The following BAALC variants were observed in gnomAD, a reference collection of about 807,000 sequenced individuals.
The protein encoded by BAALC is BAALC binder of MAP3K1 and KLF4.
BAALC carries 9 observed loss-of-function variants against 15.5 expected under a neutral mutation model. The ratio of observed to expected loss-of-function variants is 0.58; its 90% CI spans 0.35 to 1.02. The LOEUF is 1.02. BAALC is among the 50% of genes least tolerant of loss of function. The probability of loss-of-function intolerance (pLI) is 0.02; values close to 1 mark genes in which losing one functional copy is unlikely to be tolerated. For synonymous variants in BAALC, 80 were observed against 74.6 expected, an observed-to-expected ratio of 1.07 and a Z score of -0.37; for missense variants, 201 against 192.4, an observed-to-expected ratio of 1.04 and a Z score of -0.27.
intron 1 of BAALC, among the ~76,000 whole-genome samples, chr8:103,205,534 T>C (rs1489102604): frequency 2.0e-5 from 3 of 151,854 alleles, no homozygotes; most frequent in African/African-American, 4.8e-5. Flanking sequence ...GTCAGATAGA[T>C]AGATGATAGA....
chr8:103,149,599 T>A (rs1388972762), intron 1 of BAALC, among the ~76,000 whole-genome samples: 2 of 152,082 alleles, frequency 1.3e-5, no homozygotes, highest in South Asian at 2.1e-4. Context: ...AAGTTCCGGA[T>A]GGGGGGATGG....
At chr8:103,156,615 G>T (rs1326435073) in intron 1 of BAALC, among the ~76,000 whole-genome samples, 1 of 152,136 alleles carries the variant, frequency 6.6e-6, no homozygotes, top group Non-Finnish European at 1.5e-5. Context: ...CTTCTGAGAC[G>T]GTGGAATGTT....
intron 1 of BAALC, among the ~76,000 whole-genome samples, chr8:103,167,558 T>C (rs72671390): frequency 0.086 from 13,136 of 152,332 alleles, 760 homozygotes; most frequent in Middle Eastern, 0.13. Context: ...TTAATTATTA[T>C]TGTTGCAAGT....
At chr8:103,168,323 C>A (rs925293182) in intron 1 of BAALC, among the ~76,000 whole-genome samples, 1 of 152,144 alleles carries the variant, frequency 6.6e-6, no homozygotes, top group African/African-American at 2.4e-5. Context: ...ATTGATTACC[C>A]TCATGAAAGG....
At chr8:103,212,791 T>C (rs895319164) in intron 1 of BAALC, 128 bp from the exon 2 acceptor site, 1 of 919,820 alleles carries the variant, frequency 1.1e-6, no homozygotes, top group Non-Finnish European at 1.6e-6. Flanking sequence ...AGGGTAGCTC[T>C]GCATGGTGGG....
intron 1 of BAALC, among the ~76,000 whole-genome samples, chr8:103,185,083 C>G (rs1278725442): frequency 6.6e-6 from 1 of 152,064 alleles, no homozygotes; most frequent in Non-Finnish European, 1.5e-5. Context: ...TCTCTGTGCA[C>G]TGATTCTGTA....
chr8:103,147,396 T>C (rs1810898998), intron 1 of BAALC, among the ~76,000 whole-genome samples: 1 of 152,236 alleles, frequency 6.6e-6, no homozygotes, highest in Non-Finnish European at 1.5e-5. Flanking sequence ...TTTTAAATAA[T>C]TTAAAGAGTG....
intron 1 of BAALC, among the ~76,000 whole-genome samples, chr8:103,187,187 T>C (rs56053090): frequency 0.054 from 8,254 of 152,294 alleles, 332 homozygotes; most frequent in Middle Eastern, 0.18. Context: ...ACATTTATTT[T>C]TGTGGCTGGG....
chr8:103,157,644 T>TA (rs1012909500), intron 1 of BAALC, among the ~76,000 whole-genome samples: 2 of 152,018 alleles, frequency 1.3e-5, no homozygotes, highest in African/African-American at 4.8e-5. Flanking sequence ...CTCATCTCTA[T>TA]AAAAAAATTA....
intron 1 of BAALC, among the ~76,000 whole-genome samples, chr8:103,150,908 A>G (rs1443448133): frequency 6.6e-6 from 1 of 152,148 alleles, no homozygotes; most frequent in Non-Finnish European, 1.5e-5. Context: ...GCCAGCTTTT[A>G]ACAAGGATCA....
At chr8:103,190,448 C>A (rs895163506) in intron 1 of BAALC, among the ~76,000 whole-genome samples, 1 of 152,152 alleles carries the variant, frequency 6.6e-6, no homozygotes, top group Admixed American at 6.5e-5. Context: ...CAGTCTCACC[C>A]GCTTTCATCC....
Position 103,140,838 on chromosome 8 carries a change from C to T in BAALC, c.-60C>T. On this transcript the variant is annotated 5_prime_UTR_variant, in exon 1 of 3. Transcript: ENST00000309982. This position sits in a 1 kb window ranked among gnomAD's most constrained non-coding sequence, Gnocchi z 4.2. ...GCGGGCCGGGGCTGCGCCTCCGGGG[C>T]TGAGCCGCCGCCAGAGCCGACAGCC... 1.4e-6 allele frequency: 2 copies of T among 1,382,682 alleles called. No homozygotes were observed. The highest frequency in any genetic ancestry group is 3.2e-5 in the East Asian group (1 of 31,188). The allele number at this position is 1,382,682 out of a possible 1,614,324, so 85.7% of individuals were successfully genotyped here. A position where few individuals can be genotyped will look rare whatever the true frequency, so the allele number is the denominator to read the frequency against.
chr8:103,174,323 T>C (rs1161061078), intron 1 of BAALC, among the ~76,000 whole-genome samples: 2 of 151,562 alleles, frequency 1.3e-5, no homozygotes, highest in African/African-American at 2.4e-5. Flanking sequence ...GTGTGTTTTC[T>C]GGGAAGCAAC....
intron 1 of BAALC, among the ~76,000 whole-genome samples, chr8:103,145,286 CG>C (rs373717611): frequency 3.3e-5 from 5 of 152,214 alleles, no homozygotes; most frequent in African/African-American, 1.2e-4. Flanking sequence ...AATTTCTACC[CG>C]GTGAACTCCA....
At position 103,169,911 on chromosome 8, in the gene BAALC, C is replaced by T. The variant is rs552777386; in HGVS notation, c.160+28854C>T. The stretch of plus-strand genomic sequence containing the variant: ...TTCTGAAGCCAGTTTTCCACAAATG[C>T]TTTCTCTCCCCCTTCCAAAGGTATC... On this transcript the variant is annotated intron_variant, in intron 1 of 2. Transcript: ENST00000309982. 1.2e-4 allele frequency among the ~76,000 whole-genome samples: 19 copies of T among 152,292 alleles called. No homozygotes were observed. The East Asian group carries it at 3.1e-3, about 25-fold the overall frequency.
At chr8:103,227,257 A>G (rs932476562) in intron 2 of BAALC, among the ~76,000 whole-genome samples, 21 of 152,208 alleles carry the variant, frequency 1.4e-4, no homozygotes, top group Non-Finnish European at 2.5e-4. Context: ...TTTCTGTGAA[A>G]GGAAAATAAA....
At chr8:103,185,741 A>G (rs140304889) in intron 1 of BAALC, among the ~76,000 whole-genome samples, 30 of 152,250 alleles carry the variant, frequency 2.0e-4, no homozygotes, top group African/African-American at 7.0e-4. Context: ...AAATGGTACC[A>G]TTTTTCATTT....
At position 103,212,981 on chromosome 8, in the gene BAALC, C is replaced by T. The variant is rs200317135; in HGVS notation, c.223C>T (p.Pro75Ser). The change falls in exon 2 of 3, where the codon CCC becomes TCC. Residue 75 changes from proline (P) to serine (S), a missense_variant. Coordinates refer to ENST00000309982, the MANE Select transcript of BAALC (RefSeq NM_024812.3). ...VPRSTAPGGI[P>S]NPEKKTNCET... is the part of the protein sequence containing the mutation. Reference sequence around the variant, plus strand: ...CCGATCTACAGCCCCAGGTGGAATACCCAACCCAGAGAAGAAGACGAACTG... The same window carrying T: ...CCGATCTACAGCCCCAGGTGGAATATCCAACCCAGAGAAGAAGACGAACTG... 1 of 1,614,022 alleles carries T rather than the reference C, an allele frequency of 6.2e-7. No individual in the cohort carries two copies. The highest frequency in any genetic ancestry group is 1.3e-5 in the African/African-American group (1 of 74,932).
intron 1 of BAALC, among the ~76,000 whole-genome samples, chr8:103,176,646 C>T (rs76536534): frequency 0.017 from 2,558 of 152,188 alleles, 24 homozygotes; most frequent in Middle Eastern, 0.12. Flanking sequence ...CTCTGTGACC[C>T]GCCTTTTGGA....
Sources: allele counts gnomAD v4.1 joint callset (sites outside exome capture counted in the v4.1 genomes callset), GRCh38; gene constraint gnomAD v4.1.1; non-coding constraint Gnocchi (gnomAD v3.1); transcripts MANE v1.5; gene names NCBI Gene and HGNC (gene_info 2026-07-23, HGNC 2026-07-21).